Variants in TTC27 observed in about 807,000 individuals in gnomAD.
The protein encoded by TTC27 is tetratricopeptide repeat protein 27.
A neutral mutation model predicts 115.9 loss-of-function variants in TTC27; 79 were observed. That is an observed-to-expected ratio of 0.68 (90% CI 0.57 to 0.82). The LOEUF is 0.82. Ranked by LOEUF, TTC27 falls within the 40% of genes least tolerant of loss-of-function variation. The pLI is 0.00. For missense variants in TTC27, 1,054 were observed against 993.1 expected (o/e 1.06, Z -0.82); for synonymous variants, 401 against 356.0 (o/e 1.13, Z -1.42).
intron 13 of TTC27, among the ~76,000 whole-genome samples, chr2:32,772,872 C>T (rs978572505): frequency 6.6e-6 from 1 of 152,114 alleles, no homozygotes; most frequent in Non-Finnish European, 1.5e-5. Flanking sequence ...CTGGAGAACT[C>T]AGGAATTTTA....
At chr2:32,639,719 A>C (rs564066897) in intron 3 of TTC27, among the ~76,000 whole-genome samples, 2 of 152,186 alleles carry the variant, frequency 1.3e-5, no homozygotes, top group Non-Finnish European at 2.9e-5. Flanking sequence ...TAAAGTTTGA[A>C]CATGCCAGGC....
chr2:32,650,813 A>G (rs1665092630), intron 5 of TTC27, among the ~76,000 whole-genome samples: 1 of 152,228 alleles, frequency 6.6e-6, no homozygotes, highest in Non-Finnish European at 1.5e-5. Flanking sequence ...CATGCAGAAA[A>G]ATACCTAAAA....
intron 16 of TTC27, among the ~76,000 whole-genome samples, chr2:32,792,833 C>T (rs772994642): frequency 3.3e-5 from 5 of 152,168 alleles, no homozygotes; most frequent in South Asian, 2.1e-4. Context: ...TGTTGGGAAA[C>T]GAATAGTTAA....
intron 13 of TTC27, among the ~76,000 whole-genome samples, chr2:32,769,160 A>T (rs1669740846): frequency 6.6e-6 from 1 of 152,200 alleles, no homozygotes; most frequent in African/African-American, 2.4e-5. Context: ...GCATCTCCTG[A>T]AGTTGGAAGA....
intron 15 of TTC27, among the ~76,000 whole-genome samples, chr2:32,785,183 C>G (rs1670306501): frequency 6.6e-6 from 1 of 152,178 alleles, no homozygotes; most frequent in Admixed American, 6.5e-5. Flanking sequence ...TGTCATCTTA[C>G]TGCTGATGAA....
At chr2:32,691,625 T>C (rs1034561016) in intron 9 of TTC27, among the ~76,000 whole-genome samples, 1 of 152,120 alleles carries the variant, frequency 6.6e-6, no homozygotes, top group African/African-American at 2.4e-5. Flanking sequence ...TGATGAATAC[T>C]TCTCTTTTGT....
At chr2:32,813,679 AACAAGG>A (rs1252939169) in intron 18 of TTC27, among the ~76,000 whole-genome samples, 16 of 152,348 alleles carry the variant, frequency 1.1e-4, no homozygotes, top group Admixed American at 2.6e-4. Context: ...AAAAATTAAG[AACAAGG>A]ATAAAGTTTG....
At chr2:32,632,277 G>C (rs1463170664) in intron 2 of TTC27, among the ~76,000 whole-genome samples, 1 of 151,618 alleles carries the variant, frequency 6.6e-6, no homozygotes, top group East Asian at 1.9e-4. Flanking sequence ...ACTAAGTGTG[G>C]GGATTATAGG....
At chr2:32,784,185 A>G (rs570400384) in intron 15 of TTC27, among the ~76,000 whole-genome samples, 3 of 152,268 alleles carry the variant, frequency 2.0e-5, no homozygotes, top group African/African-American at 7.2e-5. Flanking sequence ...AGCTCTTGAT[A>G]CCTTGTCTTC....
At chr2:32,783,522 A>C (rs140182325) in intron 15 of TTC27, among the ~76,000 whole-genome samples, 1 of 152,242 alleles carries the variant, frequency 6.6e-6, no homozygotes, top group East Asian at 1.9e-4. Flanking sequence ...TATTTGACCA[A>C]TGATTGAGAC....
At chr2:32,630,327 C>T (rs1664132271) in intron 1 of TTC27, among the ~76,000 whole-genome samples, 196 bp from the exon 2 acceptor site, 1 of 152,138 alleles carries the variant, frequency 6.6e-6, no homozygotes, top group South Asian at 2.1e-4. Context: ...TATGAGTGAG[C>T]TGCTAATTCT....
At chr2:32,796,044 T>G (rs1352718720) in intron 16 of TTC27, among the ~76,000 whole-genome samples, 1 of 152,106 alleles carries the variant, frequency 6.6e-6, no homozygotes. Context: ...GATGTGATCT[T>G]GTATGTAGAA....
intron 13 of TTC27, among the ~76,000 whole-genome samples, chr2:32,777,639 T>C (rs771490044): frequency 5.3e-5 from 8 of 152,190 alleles, no homozygotes; most frequent in Non-Finnish European, 2.9e-5. Flanking sequence ...AAGTATGGAC[T>C]TTTTCCGTGA....
chr2:32,789,619 G>A (rs945950311), intron 16 of TTC27, among the ~76,000 whole-genome samples: 1 of 151,968 alleles, frequency 6.6e-6, no homozygotes, highest in Non-Finnish European at 1.5e-5. Flanking sequence ...AAGAACATTT[G>A]CTTAGAAATC....
chr2:32,646,596 G>C (rs1572472513), intron 4 of TTC27, among the ~76,000 whole-genome samples: 1 of 112,294 alleles, frequency 8.9e-6, no homozygotes, highest in Admixed American at 1.3e-4. Flanking sequence ...CTCTCACTCT[G>C]TCTGTCTCCC....
chr2:32,756,699 G>A (rs1212031884), intron 12 of TTC27, among the ~76,000 whole-genome samples: 1 of 152,166 alleles, frequency 6.6e-6, no homozygotes, highest in Non-Finnish European at 1.5e-5. Flanking sequence ...TGTATGTTAG[G>A]GGCTTTAAAG....
intron 1 of TTC27, among the ~76,000 whole-genome samples, chr2:32,629,883 CTG>C (rs1162109344): frequency 6.6e-6 from 1 of 152,106 alleles, no homozygotes; most frequent in Admixed American, 6.5e-5. Context: ...TGTAAGTACT[CTG>C]TGTGTATGTG....
chr2:32,808,609 C>T (rs1041400689), intron 16 of TTC27, among the ~76,000 whole-genome samples: 2 of 152,204 alleles, frequency 1.3e-5, no homozygotes, highest in African/African-American at 2.4e-5. Flanking sequence ...CAAACACACA[C>T]ACATACACAG....
chr2:32,711,137 A>AAG (rs1553554805), intron 10 of TTC27, among the ~76,000 whole-genome samples: 8 of 149,618 alleles, frequency 5.3e-5, no homozygotes, highest in Middle Eastern at 3.4e-3. Context: ...AAAAAAAAAA[A>AAG]AAGAAGAAGA....
Sources: gnomAD v4.1 joint callset for allele counts (sites outside exome capture counted in the v4.1 genomes callset) on GRCh38, gnomAD v4.1.1 for gene constraint, MANE v1.5 for transcripts, NCBI Gene and HGNC (gene_info 2026-07-23, HGNC 2026-07-21) for gene names.